The following SEMA5A variants were observed in gnomAD, a reference collection of about 807,000 sequenced individuals.
SEMA5A encodes the protein semaphorin-5A.
A neutral mutation model predicts 135.5 loss-of-function variants in SEMA5A; 55 were observed. The observed-to-expected ratio is 0.41, with a 90% CI of 0.33 to 0.51. SEMA5A has a LOEUF of 0.51. SEMA5A is among the 20% of genes least tolerant of loss of function. The pLI is 0.37. For synonymous variants in SEMA5A, 580 were observed against 546.5 expected, an observed-to-expected ratio of 1.06 and a Z score of -0.85; for missense variants, 1,290 against 1,419.9, an observed-to-expected ratio of 0.91 and a Z score of 1.47.
chr5:9,154,699 T>G lies in SEMA5A; in HGVS notation c.1274-4A>C, dbSNP rs752314083. On this transcript the variant is annotated splice_region_variant and splice_polypyrimidine_tract_variant and intron_variant, in intron 11 of 22. Coordinates refer to ENST00000382496, the MANE Select transcript of SEMA5A (RefSeq NM_003966.3). ...ACTTTCTTAATGGTTCCGTAATCTA[T>G]GAAGGTCACAGGATGAAAAGGAAAC... 3 of 1,613,392 alleles carry G rather than the reference T, an allele frequency of 1.9e-6. No homozygotes were observed. The highest frequency in any genetic ancestry group is 2.5e-6 in the Non-Finnish European group (3 of 1,179,564).
intron 8 of SEMA5A, among the ~76,000 whole-genome samples, chr5:9,208,315 G>C (rs1168436265): frequency 6.6e-6 from 1 of 152,196 alleles, no homozygotes; most frequent in African/African-American, 2.4e-5. Context: ...CACAGTGGCA[G>C]GGACCATGCT....
intron 1 of SEMA5A, among the ~76,000 whole-genome samples, chr5:9,503,406 G>T (rs1215021128): frequency 6.6e-6 from 1 of 152,196 alleles, no homozygotes; most frequent in African/African-American, 2.4e-5. Flanking sequence ...TATCTAGGAG[G>T]TGGTGTCCTA....
intron 5 of SEMA5A, among the ~76,000 whole-genome samples, chr5:9,241,669 A>G (rs1030229609): frequency 6.6e-6 from 1 of 152,100 alleles, no homozygotes; most frequent in African/African-American, 2.4e-5. Context: ...TACAGCATCC[A>G]TTGGACCGTG....
At chr5:9,329,000 A>G (rs1752997440) in intron 4 of SEMA5A, among the ~76,000 whole-genome samples, 1 of 152,128 alleles carries the variant, frequency 6.6e-6, no homozygotes, top group East Asian at 1.9e-4. Flanking sequence ...TCTGTCACCA[A>G]CAGGTGCCAC....
At chr5:9,277,838 T>A (rs1230197608) in intron 5 of SEMA5A, among the ~76,000 whole-genome samples, 1 of 151,992 alleles carries the variant, frequency 6.6e-6, no homozygotes, top group African/African-American at 2.4e-5. Context: ...AGGGATAGCA[T>A]TAGGAGAAAT....
intron 5 of SEMA5A, among the ~76,000 whole-genome samples, chr5:9,289,669 A>T (rs1020418952): frequency 1.4e-5 from 2 of 144,028 alleles, no homozygotes; most frequent in East Asian, 4.0e-4. Context: ...TCTCAAAAAT[A>T]AAAAAAAAAA....
intron 11 of SEMA5A, among the ~76,000 whole-genome samples, chr5:9,167,238 T>C (rs1302309856): frequency 6.6e-6 from 1 of 152,184 alleles, no homozygotes; most frequent in South Asian, 2.1e-4. Flanking sequence ...TTAGGCACTG[T>C]CTTATCCATT....
chr5:9,129,118 G>C lies in SEMA5A; in HGVS notation c.1600-6281C>G, dbSNP rs538737729. Among the ~76,000 whole-genome samples, 548 of 152,322 alleles carry C rather than the reference G, an allele frequency of 3.6e-3. 3 individuals carry two copies. The highest frequency in any genetic ancestry group is 0.013 in the African/African-American group (535 of 41,582). ...TTTCCAAATATATGAATCGGCAAAA[G>C]AGGAGCTCATAAGAAAGGCACAGGG... On this transcript the variant is annotated intron_variant, in intron 13 of 22. Transcript: ENST00000382496.
chr5:9,237,378 A>T (rs1443864231), intron 6 of SEMA5A, among the ~76,000 whole-genome samples: 1 of 152,220 alleles, frequency 6.6e-6, no homozygotes, highest in Non-Finnish European at 1.5e-5. Flanking sequence ...AGATTTTCGT[A>T]TGAAAAGAGA....
intron 3 of SEMA5A, among the ~76,000 whole-genome samples, chr5:9,357,295 G>A (rs1754494169): frequency 6.6e-6 from 1 of 152,208 alleles, no homozygotes; most frequent in Non-Finnish European, 1.5e-5. Flanking sequence ...ACCAAAGGAT[G>A]TGTAGTCCTT....
At chr5:9,496,373 A>C (rs2126810423) in intron 1 of SEMA5A, among the ~76,000 whole-genome samples, 1 of 152,332 alleles carries the variant, frequency 6.6e-6, no homozygotes, top group South Asian at 2.1e-4. Context: ...ACATTGGAAT[A>C]ATGTCAACTA....
intron 12 of SEMA5A, among the ~76,000 whole-genome samples, chr5:9,142,847 G>C (rs1489432201): frequency 2.0e-5 from 3 of 152,200 alleles, no homozygotes; most frequent in Non-Finnish European, 2.9e-5. Context: ...GCCATGTTGG[G>C]AGGCCGAGGC....
intron 17 of SEMA5A, 105 bp from the exon 18 acceptor site, chr5:9,063,210 T>C: frequency 9.2e-7 from 1 of 1,092,682 alleles, no homozygotes; most frequent in Non-Finnish European, 1.3e-6. Context: ...TTTCTAGAAC[T>C]ACCCTCTCAC....
chr5:9,462,915 T>C (rs936867284), intron 1 of SEMA5A, among the ~76,000 whole-genome samples: 4 of 150,136 alleles, frequency 2.7e-5, no homozygotes, highest in Non-Finnish European at 4.4e-5. Context: ...ATCTGTACAA[T>C]GAACCCCCGT....
At chr5:9,273,489 C>T (rs531272889) in intron 5 of SEMA5A, among the ~76,000 whole-genome samples, 1 of 152,114 alleles carries the variant, frequency 6.6e-6, no homozygotes, top group Non-Finnish European at 1.5e-5. Flanking sequence ...ATACAGAGAA[C>T]ACCACAAAGA....
intron 15 of SEMA5A, among the ~76,000 whole-genome samples, chr5:9,114,561 G>A: frequency 6.6e-6 from 1 of 152,074 alleles, no homozygotes. Context: ...TTACACAATG[G>A]GTGAAAACTG....
Position 9,520,927 on chromosome 5 carries a change from A to C in SEMA5A, c.-175+24657T>G, listed in dbSNP as rs1579677850. Among the ~76,000 whole-genome samples the C allele has an allele frequency of 3.3e-5, 5 of 152,326 alleles. No individual in the cohort carries two copies. The South Asian group carries it at 1.0e-3, about 32-fold the overall frequency. On this transcript the variant is annotated intron_variant, in intron 1 of 22. Coordinates refer to ENST00000382496, the MANE Select transcript of SEMA5A (RefSeq NM_003966.3). ...GATCCTGGCACAGACAATGGACATGAGGGAAAAAGTGAGGAAGTCAGAATA... is the reference window on the plus strand; with the variant it reads ...GATCCTGGCACAGACAATGGACATGCGGGAAAAAGTGAGGAAGTCAGAATA...
At chr5:9,534,452 A>G (rs1460683777) in intron 1 of SEMA5A, among the ~76,000 whole-genome samples, 4 of 152,210 alleles carry the variant, frequency 2.6e-5, no homozygotes, top group African/African-American at 9.6e-5. Context: ...TGTTACCACC[A>G]CTAATTAAAA....
At chr5:9,165,457 C>T (rs962390715) in intron 11 of SEMA5A, among the ~76,000 whole-genome samples, 2 of 152,114 alleles carry the variant, frequency 1.3e-5, no homozygotes, top group African/African-American at 2.4e-5. Context: ...AATTATTCAG[C>T]CTTCAGTGTG....
Sources: allele counts gnomAD v4.1 joint callset (sites outside exome capture counted in the v4.1 genomes callset), GRCh38; gene constraint gnomAD v4.1.1; transcripts MANE v1.5; gene names NCBI Gene and HGNC (gene_info 2026-07-23, HGNC 2026-07-21).